Variants in CTNNBL1 observed in about 807,000 individuals in gnomAD.
CTNNBL1 encodes catenin beta like 1.
In CTNNBL1, 31 loss-of-function variants were observed where a neutral mutation model predicts 72.7. The ratio of observed to expected loss-of-function variants is 0.43; its 90% CI spans 0.32 to 0.58. CTNNBL1 has a LOEUF of 0.58. CTNNBL1 is among the 20% of genes least tolerant of loss of function. The pLI is 0.08. For missense variants in CTNNBL1, 534 were observed against 725.1 expected (o/e 0.74, Z 3.03); for synonymous variants, 240 against 267.3 (o/e 0.90, Z 1.00).
intron 11 of CTNNBL1, among the ~76,000 whole-genome samples, chr20:37,839,158 G>T (rs575365484): frequency 6.6e-6 from 1 of 152,188 alleles, no homozygotes; most frequent in African/African-American, 2.4e-5. Flanking sequence ...ATTAAGTGAA[G>T]AAAAACACAC....
Position 37,726,852 on chromosome 20 carries a change from C to T in CTNNBL1, c.31-6027C>T, listed in dbSNP as rs150891058. Among the ~76,000 whole-genome samples, 87 of 152,236 alleles carry T rather than the reference C, an allele frequency of 5.7e-4. No individual in the cohort carries two copies. In the East Asian group the frequency reaches 0.015, roughly 26 times the overall value. ...ACACTTTTATATTCTGATACAAATG[C>T]GCTCTTCACATTAATACTTGCATTA... is the stretch of plus-strand genomic sequence containing the variant. On this transcript the variant is annotated intron_variant, in intron 1 of 15. Coordinates refer to ENST00000361383, the MANE Select transcript of CTNNBL1 (RefSeq NM_030877.5).
intron 13 of CTNNBL1, among the ~76,000 whole-genome samples, chr20:37,857,971 A>G (rs2072457712): frequency 6.6e-6 from 1 of 152,202 alleles, no homozygotes; most frequent in Admixed American, 6.5e-5. Context: ...CGGGAGGATC[A>G]CTTGAACCTA....
intron 5 of CTNNBL1, among the ~76,000 whole-genome samples, chr20:37,758,353 C>G (rs2073383650): frequency 6.6e-6 from 1 of 152,240 alleles, no homozygotes; most frequent in African/African-American, 2.4e-5. Context: ...CACACAGCAG[C>G]TAACCCAGAG....
Position 37,705,444 on chromosome 20 carries a change from A to T in CTNNBL1, c.30+11292A>T, listed in dbSNP as rs533308968. ...ATTTATCTCATTACTAACAACACGCATGCTACAGCAACATGGCAAAAAAAA... is the reference window on the plus strand; with the variant it reads ...ATTTATCTCATTACTAACAACACGCTTGCTACAGCAACATGGCAAAAAAAA... On this transcript the variant is annotated intron_variant, in intron 1 of 15. Transcript: ENST00000361383. Among the ~76,000 whole-genome samples the T allele has an allele frequency of 9.2e-5, 14 of 152,344 alleles. No individual in the cohort carries two copies. The East Asian group carries it at 2.7e-3, about 29-fold the overall frequency.
intron 11 of CTNNBL1, among the ~76,000 whole-genome samples, chr20:37,808,955 T>C (rs1296892080): frequency 2.0e-5 from 3 of 149,850 alleles, no homozygotes; most frequent in Non-Finnish European, 3.0e-5. Context: ...CCACGTGTAA[T>C]TGATCATCAG....
At chr20:37,822,673 T>C (rs1200636283) in intron 11 of CTNNBL1, among the ~76,000 whole-genome samples, 2 of 152,234 alleles carry the variant, frequency 1.3e-5, no homozygotes, top group African/African-American at 4.8e-5. Flanking sequence ...GGGAGAAAGC[T>C]GGCTCATGAA....
chr20:37,844,173 T>A (rs1228823435), intron 13 of CTNNBL1, among the ~76,000 whole-genome samples: 1 of 152,164 alleles, frequency 6.6e-6, no homozygotes, highest in African/African-American at 2.4e-5. Flanking sequence ...ATGAGACAGT[T>A]AGAACTCCAG....
intron 1 of CTNNBL1, among the ~76,000 whole-genome samples, chr20:37,707,658 C>T (rs2072898829): frequency 6.6e-6 from 1 of 152,206 alleles, no homozygotes; most frequent in African/African-American, 2.4e-5. Flanking sequence ...AGCTCTTTTA[C>T]TATTCATATG....
intron 1 of CTNNBL1, among the ~76,000 whole-genome samples, chr20:37,728,350 G>T (rs2073102567): frequency 6.6e-6 from 1 of 152,176 alleles, no homozygotes; most frequent in East Asian, 1.9e-4. Context: ...ATTATTACCT[G>T]TTTCTTTTTA....
intron 12 of CTNNBL1, 106 bp downstream of exon 12, chr20:37,840,305 T>C: frequency 2.5e-6 from 2 of 807,586 alleles, no homozygotes; most frequent in Non-Finnish European, 4.1e-6. Context: ...CCTAAAATTC[T>C]CTTTTCTGGC....
chr20:37,817,433 AT>A (rs1430597504), intron 11 of CTNNBL1, among the ~76,000 whole-genome samples: 7 of 152,338 alleles, frequency 4.6e-5, no homozygotes, highest in Non-Finnish European at 5.9e-5. Context: ...TTTAAAATAT[AT>A]TTCATACAAA....
intron 1 of CTNNBL1, among the ~76,000 whole-genome samples, chr20:37,718,194 G>A (rs1448696559): frequency 1.3e-5 from 2 of 151,294 alleles, no homozygotes; most frequent in East Asian, 2.0e-4. Flanking sequence ...CCGGGCAGAG[G>A]CGCCCCTCAC....
intron 1 of CTNNBL1, among the ~76,000 whole-genome samples, chr20:37,705,305 T>C (rs1329114930): frequency 6.6e-6 from 1 of 152,174 alleles, no homozygotes; most frequent in African/African-American, 2.4e-5. Flanking sequence ...AAATTTCTGC[T>C]TTACCATCTT....
chr20:37,741,775 A>T (rs2073217677), intron 3 of CTNNBL1, among the ~76,000 whole-genome samples: 1 of 152,086 alleles, frequency 6.6e-6, no homozygotes, highest in Admixed American at 6.5e-5. Flanking sequence ...AGCATTTCTC[A>T]CGGTATCTTG....
chr20:37,860,410 T>C, intron 15 of CTNNBL1, 66 bp downstream of exon 15: 1 of 1,266,088 alleles, frequency 7.9e-7, no homozygotes, highest in Non-Finnish European at 1.2e-6. Flanking sequence ...TCTGAGCCTC[T>C]GTCAGTATCC....
intron 11 of CTNNBL1, among the ~76,000 whole-genome samples, chr20:37,820,015 T>A (rs932478338): frequency 6.6e-6 from 1 of 151,838 alleles, no homozygotes; most frequent in African/African-American, 2.4e-5. Context: ...GCTGGGACTA[T>A]AAGCACGCAC....
At chr20:37,811,912 C>A (rs2072014726) in intron 11 of CTNNBL1, among the ~76,000 whole-genome samples, 1 of 152,226 alleles carries the variant, frequency 6.6e-6, no homozygotes, top group South Asian at 2.1e-4. Flanking sequence ...TTGTCAGTTA[C>A]CAAAATACCG....
chr20:37,758,252 C>T (rs1310522859), intron 5 of CTNNBL1, among the ~76,000 whole-genome samples: 1 of 152,238 alleles, frequency 6.6e-6, no homozygotes, highest in African/African-American at 2.4e-5. Flanking sequence ...GCCAGAATGG[C>T]ATTCCCTGCC....
At chr20:37,804,343 G>T (rs2071933436) in intron 11 of CTNNBL1, among the ~76,000 whole-genome samples, 1 of 152,106 alleles carries the variant, frequency 6.6e-6, no homozygotes, top group Admixed American at 6.6e-5. Context: ...CACTTTCCTG[G>T]CCCGGCTGCA....
Sources: allele counts gnomAD v4.1 joint callset (sites outside exome capture counted in the v4.1 genomes callset), GRCh38; gene constraint gnomAD v4.1.1; transcripts MANE v1.5; gene names NCBI Gene and HGNC (gene_info 2026-07-23, HGNC 2026-07-21).